The following IQGAP3 variants were observed in gnomAD, a reference collection of about 807,000 sequenced individuals.
IQGAP3 encodes the protein ras GTPase-activating-like protein IQGAP3.
Under a neutral mutation model 208.2 loss-of-function variants are expected in IQGAP3, and 165 were observed. That is an observed-to-expected ratio of 0.79 (90% confidence interval 0.70 to 0.90). The LOEUF (loss-of-function observed/expected upper bound fraction) is 0.90. Ranked by LOEUF, IQGAP3 falls within the 40% of genes least tolerant of loss-of-function variation. The pLI, the probability that IQGAP3 is intolerant of heterozygous loss-of-function variation, is 0.00. For synonymous variants in IQGAP3, 703 were observed against 803.6 expected (o/e 0.87, Z 2.12); for missense variants, 1,811 against 2,043.1 (o/e 0.89, Z 2.19).
Position 156,534,238 on chromosome 1 carries a change from A to C in IQGAP3, c.3741-97T>G. The C allele has an allele frequency of 4.5e-6, 7 of 1,571,140 alleles. No individual in the cohort carries two copies. The South Asian group carries it at 6.9e-5, about 15-fold the overall frequency. On this transcript the variant is annotated intron_variant, in intron 29 of 37. Transcript: ENST00000361170. ...CCCCAGCCTTCTCCAGTGATTGCTC[A>C]GGCCAATTTGGACTCTCCAGTCTCA...
At chr1:156,553,085 A>G (rs1447923004) in intron 13 of IQGAP3, among the ~76,000 whole-genome samples, 1 of 152,086 alleles carries the variant, frequency 6.6e-6, no homozygotes, top group Non-Finnish European at 1.5e-5. Flanking sequence ...TGATTGCATC[A>G]CTGCACTCCA....
chr1:156,556,187 A>G (rs968351622), intron 12 of IQGAP3, among the ~76,000 whole-genome samples: 3 of 152,232 alleles, frequency 2.0e-5, no homozygotes, highest in African/African-American at 7.2e-5. Context: ...GAGGTGGGAC[A>G]GTGAAGTGCT....
rs1674510361 is a variant in IQGAP3, at chr1:156,533,235, A to G, written c.3977-129T>C. 5 of 1,241,936 alleles carry G rather than the reference A, an allele frequency of 4.0e-6. No individual in the cohort carries two copies. The East Asian group carries it at 1.2e-4, about 30-fold the overall frequency. 76.9% of individuals were successfully genotyped at this position (1,241,936 alleles called of 1,614,324 possible). ...TGCTCCACATGCCCCTCTTCCAGGA[A>G]GTTTTCCCACACTGGCCTGCAGAAC... On this transcript the variant is annotated intron_variant, in intron 31 of 37. Transcript: ENST00000361170.
chr1:156,557,611 TG>T (rs1199007209), intron 11 of IQGAP3, among the ~76,000 whole-genome samples: 4 of 16,318 alleles, frequency 2.5e-4, no homozygotes, highest in Non-Finnish European at 4.5e-4. Flanking sequence ...GGGAGGGAGG[TG>T]GGGGGGTCAG....
At chr1:156,530,869 A>T (rs888971905) in intron 33 of IQGAP3, among the ~76,000 whole-genome samples, 2 of 151,966 alleles carry the variant, frequency 1.3e-5, no homozygotes, top group Admixed American at 6.6e-5. Flanking sequence ...CTTCCAGGGG[A>T]GCATTCCCAG....
In IQGAP3 at chr1:156,551,866, C is replaced by A. The variant is rs1461537375; in HGVS notation, c.1573G>T (p.Val525Phe). ...TCATTGATGAGGCTGACTGCAAGGA[C>A]CCCTAAGAAAGAGAGATCTAGGTGG... Reference protein sequence around the residue: ...NAQTQEETDRVLAVSLINEAL... With the variant: ...NAQTQEETDRFLAVSLINEAL... Residue 525 changes from valine (V) to phenylalanine (F), a missense_variant and splice_region_variant, in exon 15 of 38, where the codon GTC becomes TTC. Physicochemically the swap from Val to Phe is conservative, Grantham distance 50. Coordinates refer to ENST00000361170, the MANE Select transcript of IQGAP3 (RefSeq NM_178229.5). The A allele has an allele frequency of 6.2e-7, 1 of 1,603,442 alleles. No individual in the cohort carries two copies.
In IQGAP3 at chr1:156,540,836, CA is replaced by C; in HGVS notation, c.2610del (p.Glu871ArgfsTer5). On this transcript the variant is annotated frameshift_variant, in exon 23 of 38. Coordinates refer to ENST00000361170, the MANE Select transcript of IQGAP3 (RefSeq NM_178229.5). LOFTEE classifies it high-confidence loss of function. The part of the protein sequence containing the change: ...LLNQSQQDFL[A>X]EAELLKLQEE... The stretch of plus-strand genomic sequence containing the variant: ...TCCTGGAGCTTCAGCAGCTCTGCCT[CA>C]GCCAAGAAGTCTTGCTGGCTTTGAT... 6.2e-7 allele frequency: 1 copy of C among 1,614,120 alleles called. No homozygotes were observed. The highest frequency in any genetic ancestry group is 1.1e-5 in the South Asian group (1 of 91,078).
rs372777047 is a variant in IQGAP3, at chr1:156,569,402, G to A, written c.99C>T (p.Tyr33=). ...GCTTGGCCTCCTCCAGCCGGCACAG[G>A]TACTGATAGGCAACATTCTGCCGCC... ...EQRRQNVAYQ[Y]LCRLEEAKRW... Residue 33 remains tyrosine, a synonymous_variant, in exon 2 of 38, where the codon TAC becomes TAT. Transcript: ENST00000361170. 10 of 1,613,476 alleles carry A rather than the reference G, an allele frequency of 6.2e-6. No homozygotes were observed. Among genetic ancestry groups the A allele is most frequent in the South Asian group, 1.1e-5 (1 of 90,916 alleles).
rs1168927415 is a variant in IQGAP3 at position 156,533,771 on chromosome 1, A to T, written c.3976+2T>A. The T allele has an allele frequency of 1.9e-6, 3 of 1,612,542 alleles. No homozygotes were observed. The highest frequency in any genetic ancestry group is 2.5e-6 in the Non-Finnish European group (3 of 1,179,364). On this transcript the variant is annotated splice_donor_variant, in intron 31 of 37. Transcript: ENST00000361170. LOFTEE classifies it high-confidence loss of function. ...GCCTCAGCTGCTAAGGAGGGCACGT[A>T]CCAATAAGGTCAGGGATGGTGGGCA...
At chr1:156,544,359 A>T (rs1171133728) in intron 20 of IQGAP3, 30 bp downstream of exon 20, 1 of 1,592,342 alleles carries the variant, frequency 6.3e-7, no homozygotes, top group South Asian at 1.1e-5. Context: ...CCTTTGAGAG[A>T]AAGGAGCCTG....
In IQGAP3 at chr1:156,551,807, C is replaced by CA. The variant is rs781250682; in HGVS notation, c.1631dup (p.Ser545ValfsTer12). On this transcript the variant is annotated frameshift_variant, in exon 15 of 38. Coordinates refer to ENST00000361170, the MANE Select transcript of IQGAP3 (RefSeq NM_178229.5). LOFTEE classifies it high-confidence loss of function. ...CAGCTGCAGGAAGCAGTAGGGCAGA[C>CA]AGAGTCTTCTCAGGGCTGCCTTTGT... 6.2e-7 allele frequency: 1 copy of CA among 1,613,952 alleles called. No homozygotes were observed. The highest frequency in any genetic ancestry group is 1.1e-5 in the South Asian group (1 of 91,020).
Position 156,528,966 on chromosome 1 carries a change from G to C in IQGAP3, c.4521C>G (p.Tyr1507Ter). 6.2e-7 allele frequency: 1 copy of C among 1,614,252 alleles called. No individual in the cohort carries two copies. The highest frequency in any genetic ancestry group is 8.5e-7 in the Non-Finnish European group (1 of 1,180,050). Residue 1507 changes from tyrosine (Y) to a stop codon, truncating the protein, a stop_gained, in exon 35 of 38, where the codon TAC becomes TAG. Coordinates refer to ENST00000361170, the MANE Select transcript of IQGAP3 (RefSeq NM_178229.5). LOFTEE classifies it high-confidence loss of function. ...GGCAGGCCCGGATGTACTGGCTGTA[G>C]TAGTCACCCTGCTCCTCATAGAAGG... The part of the protein sequence containing the change: ...KTTFYEEQGD[Y>*]YSQYIRACLD...
chr1:156,534,177 G>A lies in IQGAP3; in HGVS notation c.3741-36C>T, dbSNP rs761238110. 1.9e-6 allele frequency: 3 copies of A among 1,609,618 alleles called. No individual in the cohort carries two copies. The South Asian group carries it at 3.3e-5, about 18-fold the overall frequency. ...GGCGGGCATGTGAGAGAGCGGGGAG[G>A]GCCAGCACCCCACACATCTTCTGTC... is the stretch of plus-strand genomic sequence containing the variant. On this transcript the variant is annotated intron_variant, in intron 29 of 37. Transcript: ENST00000361170.
Position 156,546,810 on chromosome 1 carries a change from G to A in IQGAP3, c.2304+1263C>T, listed in dbSNP as rs1003747761. On this transcript the variant is annotated intron_variant, in intron 19 of 37. Transcript: ENST00000361170. ...TCTCAATTACCCCCCAACACCCTCA[G>A]TCATAATCAAGGGCCATTTGCCAGT... 2.0e-5 allele frequency among the ~76,000 whole-genome samples: 3 copies of A among 152,276 alleles called. No homozygotes were observed. The East Asian group carries it at 5.8e-4, about 29-fold the overall frequency.
In IQGAP3 at chr1:156,562,015, A is replaced by G; in HGVS notation, c.878-14T>C. The G allele has an allele frequency of 6.3e-7, 1 of 1,595,838 alleles. No homozygotes were observed. The highest frequency in any genetic ancestry group is 2.2e-5 in the East Asian group (1 of 44,638). On this transcript the variant is annotated splice_polypyrimidine_tract_variant and intron_variant, in intron 9 of 37. Coordinates refer to ENST00000361170, the MANE Select transcript of IQGAP3 (RefSeq NM_178229.5). ...GAGCCCCATGGACTGAAAAAAAATG[A>G]CTCCATAATGGACAGTGTGAGAAAG...
chr1:156,571,029 A>G (rs1348752114), intron 1 of IQGAP3, among the ~76,000 whole-genome samples: 2 of 152,244 alleles, frequency 1.3e-5, no homozygotes, highest in Non-Finnish European at 2.9e-5. Context: ...AGAAAATTTT[A>G]AAAGATCACA....
intron 11 of IQGAP3, among the ~76,000 whole-genome samples, chr1:156,559,258 T>C (rs1481696752): frequency 6.6e-6 from 1 of 152,114 alleles, no homozygotes; most frequent in Admixed American, 6.5e-5. Context: ...AAGATGAGGT[T>C]AGTCAGGGGG....
At chr1:156,529,983 G>T in intron 34 of IQGAP3, 122 bp downstream of exon 34, 1 of 694,248 alleles carries the variant, frequency 1.4e-6, no homozygotes, top group Non-Finnish European at 2.4e-6. Flanking sequence ...TCCTCTGGCT[G>T]GTGACAATTT....
intron 11 of IQGAP3, among the ~76,000 whole-genome samples, chr1:156,559,741 G>C (rs1481599899): frequency 2.6e-5 from 4 of 152,216 alleles, no homozygotes; most frequent in Admixed American, 2.0e-4. Flanking sequence ...AGGGAGAATA[G>C]ATTGTTTGCT....
Sources: gnomAD v4.1 joint callset for allele counts (sites outside exome capture counted in the v4.1 genomes callset) on GRCh38, gnomAD v4.1.1 for gene constraint, MANE v1.5 for transcripts, NCBI Gene and HGNC (gene_info 2026-07-23, HGNC 2026-07-21) for gene names.